Variants in DCST1 observed in about 807,000 individuals in gnomAD.
DCST1 encodes E3 ubiquitin-protein ligase DCST1.
In DCST1, 78 loss-of-function variants were observed where a neutral mutation model predicts 89.1. That is an observed-to-expected ratio of 0.88 (90% CI 0.73 to 1.06). DCST1 has a LOEUF of 1.06. Ranked by LOEUF, DCST1 falls within the 50% of genes least tolerant of loss-of-function variation. The pLI is 0.00. For missense variants in DCST1, 900 were observed against 928.6 expected (o/e 0.97, Z 0.40); for synonymous variants, 364 against 371.9 (o/e 0.98, Z 0.24).
At chr1:155,038,778 C>T (rs142247962) in intron 4 of DCST1, among the ~76,000 whole-genome samples, 131 of 152,326 alleles carry the variant, frequency 8.6e-4, no homozygotes, top group African/African-American at 2.9e-3. Context: ...TAAGCACCTC[C>T]CTTGTGCACT....
intron 16 of DCST1, among the ~76,000 whole-genome samples, chr1:155,049,737 G>C (rs931340284): frequency 5.9e-5 from 9 of 152,042 alleles, no homozygotes; most frequent in African/African-American, 2.2e-4. Context: ...GATACCCCCA[G>C]CCCCCATGAC....
Position 155,039,526 on chromosome 1 carries a change from A to T in DCST1, c.386A>T (p.Tyr129Phe), listed in dbSNP as rs151303877. Reference sequence around the variant, plus strand: ...CTGGGATACGCCTTGGCTGCCATCTATGTGGGTGAGTATGTGGGGGCCAGT... The same window carrying T: ...CTGGGATACGCCTTGGCTGCCATCTTTGTGGGTGAGTATGTGGGGGCCAGT... ...FVLGYALAAI[Y>F]VGPVANLRHN... is the part of the protein sequence containing the mutation. Residue 129 changes from tyrosine to phenylalanine, a missense_variant, in exon 5 of 17, where the codon TAT (tyrosine) becomes TTT (phenylalanine). Tyr to Phe is a conservative substitution (Grantham distance 22). Coordinates refer to ENST00000295542, the MANE Select transcript of DCST1 (RefSeq NM_152494.4). The T allele has an allele frequency of 5.0e-5, 79 of 1,593,338 alleles. No individual in the cohort carries two copies. The highest frequency in any genetic ancestry group is 6.5e-5 in the Non-Finnish European group (76 of 1,169,218).
Position 155,043,442 on chromosome 1 carries a change from CGG to C in DCST1, c.1106_1107del (p.Arg369ProfsTer31). ...GGACTACGTGTACCGCCAGGAGGCC[CGG>C]CTGGAGTGGGCCCTGGGGCTGCTGC... ...VRDYVYRQEA[R>X]LEWALGLLHV... is the part of the protein sequence containing the mutation. On this transcript the variant is annotated frameshift_variant, in exon 10 of 17. Transcript: ENST00000295542. LOFTEE classifies it high-confidence loss of function. The C allele has an allele frequency of 1.2e-6, 2 of 1,613,144 alleles. No homozygotes were observed. Among genetic ancestry groups the C allele is most frequent in the Non-Finnish European group, 1.7e-6 (2 of 1,179,670 alleles).
chr1:155,046,374 G>A lies in DCST1; in HGVS notation c.1383G>A (p.Leu461=), dbSNP rs750457203. ...TCCTTGGCCAGGTGAGGGAGCTCCT[G>A]GAGACACTGCCCATTCTGCTGCTGC... ...SEMSNVVREL[L]ETLPILLLLV... The change falls in exon 13 of 17, where the codon CTG becomes CTA. Residue 461 remains leucine (L), a synonymous_variant. Coordinates refer to ENST00000295542, the MANE Select transcript of DCST1 (RefSeq NM_152494.4). 8.7e-6 allele frequency: 14 copies of A among 1,614,112 alleles called. No homozygotes were observed. In the Admixed American group the frequency reaches 2.3e-4, roughly 27 times the overall value.
rs756721310 is a variant in DCST1 at position 155,034,428 on chromosome 1, C to A, written c.62-7C>A. The stretch of plus-strand genomic sequence containing the variant: ...TGGGCTGTTGAGCTACCCTGTCCCC[C>A]TCTTAGCGGTGCAGAGGCTCCTGAC... On this transcript the variant is annotated splice_region_variant and splice_polypyrimidine_tract_variant and intron_variant, in intron 2 of 16. Coordinates refer to ENST00000295542, the MANE Select transcript of DCST1 (RefSeq NM_152494.4). 3 of 1,613,936 alleles carry A rather than the reference C, an allele frequency of 1.9e-6. No individual in the cohort carries two copies. The highest frequency in any genetic ancestry group is 2.5e-6 in the Non-Finnish European group (3 of 1,180,054).
In DCST1 at chr1:155,034,573, G is replaced by T; in HGVS notation, c.187+13G>T. On this transcript the variant is annotated intron_variant, in intron 3 of 16. Transcript: ENST00000295542. ...CTCCTGGCCATAGGTGAGTGTGGAA[G>T]CAGAAAGTTCGGGGTGGGCAGAGGC... 5.6e-6 allele frequency: 9 copies of T among 1,613,894 alleles called. No individual in the cohort carries two copies. The highest frequency in any genetic ancestry group is 7.6e-6 in the Non-Finnish European group (9 of 1,180,012).
intron 14 of DCST1, 124 bp from the exon 15 acceptor site, chr1:155,047,663 G>T (rs1660699755): frequency 2.4e-6 from 2 of 837,398 alleles, no homozygotes; most frequent in South Asian, 3.3e-5. Flanking sequence ...TGCAGTGAGG[G>T]GCAGGCAGGA....
intron 16 of DCST1, among the ~76,000 whole-genome samples, chr1:155,048,631 G>A (rs982136119): frequency 7.9e-5 from 12 of 152,168 alleles, no homozygotes; most frequent in Non-Finnish European, 1.6e-4. Flanking sequence ...AACACATGCT[G>A]AGGGCCCCAG....
rs747647774 is a variant in DCST1, at chr1:155,040,584, T to G, written c.491T>G (p.Ile164Ser). The stretch of plus-strand genomic sequence containing the variant: ...AACAACACCCGCGCAGCTTGGCGCA[T>G]CTCCACAGCCCCCTTACGGGCCATG... ...QINNTRAAWR[I>S]STAPLRAMFK... The change falls in exon 6 of 17, where the codon ATC becomes AGC. Residue 164 changes from isoleucine to serine, a missense_variant. By Grantham distance (142) the Ile-to-Ser change is moderately radical. Coordinates refer to ENST00000295542, the MANE Select transcript of DCST1 (RefSeq NM_152494.4). 1.3e-6 allele frequency: 2 copies of G among 1,586,374 alleles called. No individual in the cohort carries two copies. The highest frequency in any genetic ancestry group is 1.7e-6 in the Non-Finnish European group (2 of 1,165,502).
At chr1:155,044,417 G>A (rs535206366) in intron 10 of DCST1, among the ~76,000 whole-genome samples, 2 of 150,008 alleles carry the variant, frequency 1.3e-5, no homozygotes. Flanking sequence ...CGAAGCTGCA[G>A]TGAGCTGTGA....
chr1:155,042,946 G>A, intron 9 of DCST1, 90 bp downstream of exon 9: 12 of 1,543,140 alleles, frequency 7.8e-6, no homozygotes, highest in Non-Finnish European at 9.6e-6. Flanking sequence ...ACAAGTGAGA[G>A]GGCACAGGAA....
At chr1:155,038,798 G>A (rs1250266000) in intron 4 of DCST1, among the ~76,000 whole-genome samples, 3 of 152,204 alleles carry the variant, frequency 2.0e-5, no homozygotes, top group South Asian at 2.1e-4. Flanking sequence ...TTAGCACATC[G>A]TGTTGTAGTC....
intron 10 of DCST1, chr1:155,045,634 G>A (rs1660593754): frequency 2.0e-6 from 1 of 506,314 alleles, no homozygotes; most frequent in East Asian, 3.6e-5. Context: ...GCCCTCCTCT[G>A]AGCCCCCACC....
At chr1:155,034,866 CG>C in intron 4 of DCST1, 139 bp downstream of exon 4, 1 of 891,110 alleles carries the variant, frequency 1.1e-6, no homozygotes, top group Non-Finnish European at 1.8e-6. Context: ...CTGGGCTTTA[CG>C]GGGAGGTCCA....
intron 13 of DCST1, 112 bp downstream of exon 13, chr1:155,046,598 C>CTA: frequency 7.2e-6 from 3 of 415,796 alleles, no homozygotes; most frequent in Non-Finnish European, 1.0e-5. Context: ...GTCCTTCTGC[C>CTA]TCTTTTTTTT....
intron 4 of DCST1, among the ~76,000 whole-genome samples, chr1:155,038,051 CA>C (rs1036443742): frequency 2.6e-5 from 4 of 151,982 alleles, no homozygotes; most frequent in African/African-American, 4.8e-5. Flanking sequence ...GAAGAAGGCA[CA>C]AAAAAAACTG....
chr1:155,040,385 T>C (rs1660404274), intron 5 of DCST1, 100 bp from the exon 6 acceptor site: 31 of 1,344,922 alleles, frequency 2.3e-5, no homozygotes, highest in Non-Finnish European at 2.7e-5. Flanking sequence ...CACCACTGTA[T>C]AGTTCTAGGC....
rs753622492 is a variant in DCST1 at position 155,042,785 on chromosome 1, C to T, written c.943C>T (p.Gln315Ter). 4 of 1,614,186 alleles carry T rather than the reference C, an allele frequency of 2.5e-6. No individual in the cohort carries two copies. The highest frequency in any genetic ancestry group is 3.4e-6 in the Non-Finnish European group (4 of 1,180,046). The change falls in exon 9 of 17, where the codon CAG (glutamine) becomes TAG (stop). Residue 315 changes from glutamine to a stop codon, truncating the protein, a stop_gained. Coordinates refer to ENST00000295542, the MANE Select transcript of DCST1 (RefSeq NM_152494.4). LOFTEE classifies it high-confidence loss of function. ...NRIPVEGNFG[Q>*]TYDSLNQSIR... ...CATCCCAGTGGAAGGCAACTTTGGGCAGACCTACGACTCCCTCAACCAGTC... is the reference window on the plus strand; with the variant it reads ...CATCCCAGTGGAAGGCAACTTTGGGTAGACCTACGACTCCCTCAACCAGTC...
intron 10 of DCST1, among the ~76,000 whole-genome samples, chr1:155,043,918 A>G (rs1291482281): frequency 1.3e-5 from 2 of 152,136 alleles, no homozygotes; most frequent in South Asian, 2.1e-4. Flanking sequence ...CATTTAGAAC[A>G]AAGTCCTCAA....
Sources: allele counts gnomAD v4.1 joint callset (sites outside exome capture counted in the v4.1 genomes callset), GRCh38; gene constraint gnomAD v4.1.1; transcripts MANE v1.5; gene names NCBI Gene and HGNC (gene_info 2026-07-23, HGNC 2026-07-21).